Variants in URI1 observed in about 807,000 individuals in gnomAD.
URI1 encodes URI1 prefoldin like chaperone.
In URI1, 39 loss-of-function variants were observed where a neutral mutation model predicts 60.2. The observed-to-expected ratio is 0.65, with a 90% CI of 0.50 to 0.85. The LOEUF (loss-of-function observed/expected upper bound fraction) is 0.85, where lower values mean the gene tolerates loss of function less well. Among genes scored for constraint, URI1 ranks in the 40% least tolerant of loss-of-function variants. The pLI is 0.00. For synonymous variants in URI1, 251 were observed against 236.8 expected (o/e 1.06, Z -0.55); for missense variants, 691 against 665.9 (o/e 1.04, Z -0.42).
chr19:29,942,733 C>A (rs1472518577), intron 1 of URI1, 69 bp downstream of exon 1: 2 of 1,302,484 alleles, frequency 1.5e-6, no homozygotes, highest in East Asian at 3.0e-5. Context: ...TCTGGGCCGC[C>A]GCCCCGCGTG....
intron 2 of URI1, among the ~76,000 whole-genome samples, chr19:29,977,340 C>A (rs2055536322): frequency 6.6e-6 from 1 of 151,850 alleles, no homozygotes; most frequent in South Asian, 2.1e-4. Context: ...TCTTGAGTTG[C>A]CTTCACATGC....
chr19:29,979,089 A>G (rs1255167984), intron 2 of URI1, among the ~76,000 whole-genome samples: 2 of 152,196 alleles, frequency 1.3e-5, no homozygotes, highest in Non-Finnish European at 2.9e-5. Flanking sequence ...TTTCTAAAAT[A>G]TGCTTTAGAA....
Position 29,942,544 on chromosome 19 carries a change from C to T in URI1, c.-4C>T, listed in dbSNP as rs932313666. 7.1e-7 allele frequency: 1 copy of T among 1,404,942 alleles called. No individual in the cohort carries two copies. The highest frequency in any genetic ancestry group is 9.3e-7 in the Non-Finnish European group (1 of 1,079,844). The allele number at this position is 1,404,942 out of a possible 1,614,324, so 87.0% of individuals were successfully genotyped here. A position where few individuals can be genotyped will look rare whatever the true frequency, so the allele number is the denominator to read the frequency against. On this transcript the variant is annotated 5_prime_UTR_variant, in exon 1 of 11. Transcript: ENST00000392271. ...CACGCCGCGCTGAGGCCCGCGGGCC[C>T]GTCATGGAGGCGCCCACCGTGGAGA...
chr19:30,004,274 T>A (rs937161019), intron 4 of URI1: 5 of 152,048 alleles, frequency 3.3e-5, no homozygotes, highest in African/African-American at 1.2e-4. Flanking sequence ...CATAAGTGAT[T>A]GTGTTTTATT....
chr19:29,946,259 T>C (rs1463717253), intron 1 of URI1, among the ~76,000 whole-genome samples: 2 of 152,182 alleles, frequency 1.3e-5, no homozygotes, highest in South Asian at 2.1e-4. Context: ...TCTAGGACTG[T>C]TGTGGAGTGT....
At chr19:29,998,509 G>A (rs992377263) in intron 4 of URI1, among the ~76,000 whole-genome samples, 3 of 152,084 alleles carry the variant, frequency 2.0e-5, no homozygotes, top group Non-Finnish European at 4.4e-5. Flanking sequence ...AGGTATGTAT[G>A]TATTTATAAT....
chr19:29,968,736 C>T (rs335011), intron 1 of URI1, among the ~76,000 whole-genome samples: 151 of 151,324 alleles, frequency 1.0e-3, no homozygotes, highest in African/African-American at 3.4e-3. Context: ...CATGCCCGGC[C>T]ATTTTTTTGT....
intron 1 of URI1, chr19:29,956,594 C>T (rs2055250640): frequency 2.0e-6 from 3 of 1,504,668 alleles, no homozygotes; most frequent in African/African-American, 2.8e-5. Context: ...ACTGAACAGG[C>T]AACACCTGGT....
intron 1 of URI1, among the ~76,000 whole-genome samples, chr19:29,961,679 T>TTG: frequency 6.7e-6 from 1 of 149,920 alleles, no homozygotes; most frequent in African/African-American, 2.5e-5. Context: ...TTTTTTGTTT[T>TTG]TTTTTTTTTT....
In URI1 at chr19:30,012,376, A is replaced by C; in HGVS notation, c.1270A>C (p.Ser424Arg). Residue 424 changes from serine (S) to arginine (R), a missense_variant, in exon 10 of 11, where the codon AGT becomes CGT. Coordinates refer to ENST00000392271, the MANE Select transcript of URI1 (RefSeq NM_003796.3). ...AGAGAATAGTGTGTGTAGCGACACTAGTGAAAGCAGTGCTGCTGAATTTGA... is the reference window on the plus strand; with the variant it reads ...AGAGAATAGTGTGTGTAGCGACACTCGTGAAAGCAGTGCTGCTGAATTTGA... Reference protein sequence around the residue: ...SRENSVCSDTSESSAAEFDDR... With the variant: ...SRENSVCSDTRESSAAEFDDR... 1.9e-6 allele frequency: 3 copies of C among 1,614,184 alleles called. No homozygotes were observed. In the South Asian group the frequency reaches 3.3e-5, roughly 18 times the overall value.
chr19:29,995,615 A>C (rs1007444998), intron 4 of URI1, among the ~76,000 whole-genome samples: 2 of 149,980 alleles, frequency 1.3e-5, no homozygotes, highest in Non-Finnish European at 3.0e-5. Flanking sequence ...TGTTTGATGC[A>C]CAAAAATTTT....
chr19:29,956,885 C>T (rs901383598), intron 1 of URI1: 41 of 1,396,944 alleles, frequency 2.9e-5, no homozygotes, highest in African/African-American at 2.0e-4. Flanking sequence ...GAAGTCCTTC[C>T]GCAGGGTTCC....
intron 1 of URI1, among the ~76,000 whole-genome samples, chr19:29,969,317 A>T (rs1419303455): frequency 1.3e-5 from 2 of 152,202 alleles, no homozygotes; most frequent in African/African-American, 2.4e-5. Context: ...AACGAAGTGG[A>T]GGGTAGACTA....
At position 30,015,340 on chromosome 19, in the gene URI1, C is replaced by T. The variant is rs1418269270; in HGVS notation, c.*271C>T. Reference sequence around the variant, plus strand: ...GATGCAGTGGCAGCATTTTGAATTACTTTTCAAAGAATACTGTTCATATGC... The same window carrying T: ...GATGCAGTGGCAGCATTTTGAATTATTTTTCAAAGAATACTGTTCATATGC... On this transcript the variant is annotated 3_prime_UTR_variant, in exon 11 of 11. Coordinates refer to ENST00000392271, the MANE Select transcript of URI1 (RefSeq NM_003796.3). 1 of 1,414,876 alleles carries T rather than the reference C, an allele frequency of 7.1e-7. No individual in the cohort carries two copies. Among genetic ancestry groups the T allele is most frequent in the Non-Finnish European group, 9.2e-7 (1 of 1,091,078 alleles). 87.6% of individuals were successfully genotyped at this position (1,414,876 alleles called of 1,614,324 possible).
rs532402891 is a variant in URI1, at chr19:29,964,856, T to G, written c.118-6337T>G. ...TGTTACCTGGGAGTATATTTTCCTG[T>G]TTTTTTTTTTTTTTCTTCTACTTGT... On this transcript the variant is annotated intron_variant, in intron 1 of 10. Coordinates refer to ENST00000392271, the MANE Select transcript of URI1 (RefSeq NM_003796.3). 3.7e-3 allele frequency among the ~76,000 whole-genome samples: 487 copies of G among 130,434 alleles called. 2 individuals are homozygous for G. The highest frequency in any genetic ancestry group is 0.014 in the African/African-American group (459 of 32,242). 85.6% of individuals were successfully genotyped at this position (130,434 alleles called of 152,430 possible). A position where few individuals can be genotyped will look rare whatever the true frequency, so the allele number is the denominator to read the frequency against.
chr19:30,014,288 A>C (rs1025972716), intron 10 of URI1: 2 of 152,130 alleles, frequency 1.3e-5, no homozygotes, highest in Non-Finnish European at 2.9e-5. Context: ...ATTATATTAA[A>C]ATTTTGAAAC....
intron 2 of URI1, chr19:29,983,310 G>T (rs911565387): frequency 3.9e-5 from 6 of 151,992 alleles, no homozygotes; most frequent in Non-Finnish European, 8.8e-5. Flanking sequence ...CTTCTACTTT[G>T]TCTTCTGTAA....
chr19:29,961,869 G>A (rs1251344887), intron 1 of URI1, among the ~76,000 whole-genome samples: 1 of 151,918 alleles, frequency 6.6e-6, no homozygotes, highest in Non-Finnish European at 1.5e-5. Context: ...GTGTTTAGTA[G>A]AGTTGGGGTT....
intron 1 of URI1, 88 bp from the exon 2 acceptor site, chr19:29,971,105 C>T: frequency 1.6e-6 from 2 of 1,250,938 alleles, no homozygotes; most frequent in Non-Finnish European, 1.2e-6. Context: ...ATCTGTAAAG[C>T]CAATGTTCTA....
Sources: allele counts gnomAD v4.1 joint callset (sites outside exome capture counted in the v4.1 genomes callset), GRCh38; gene constraint gnomAD v4.1.1; transcripts MANE v1.5; gene names NCBI Gene and HGNC (gene_info 2026-07-23, HGNC 2026-07-21).